TDRD10: variants seen among roughly 807,000 people sequenced by gnomAD.
TDRD10 encodes the protein tudor domain-containing protein 10.
TDRD10 carries 40 observed loss-of-function variants against 48.0 expected under a neutral mutation model. The ratio of observed to expected loss-of-function variants is 0.83; its 90% CI spans 0.65 to 1.09. The LOEUF (loss-of-function observed/expected upper bound fraction) is 1.09. Ranked by LOEUF, TDRD10 falls within the 50% of genes least tolerant of loss-of-function variation. TDRD10 has a pLI of 0.00. For missense variants in TDRD10, 378 were observed against 434.7 expected, an observed-to-expected ratio of 0.87 and a Z score of 1.16; for synonymous variants, 162 against 170.4, an observed-to-expected ratio of 0.95 and a Z score of 0.38.
chr1:154,520,164 T>G (rs575661963), intron 4 of TDRD10, 140 bp from the exon 5 acceptor site: 1 of 615,654 alleles, frequency 1.6e-6, no homozygotes, highest in South Asian at 2.1e-5. Context: ...CTACAAAACA[T>G]GGCACGTACA....
chr1:154,509,184 C>G (rs1693312801), intron 4 of TDRD10, among the ~76,000 whole-genome samples: 1 of 150,604 alleles, frequency 6.6e-6, no homozygotes, highest in Admixed American at 6.6e-5. Context: ...AGTCCTTGCC[C>G]TCAAGGAGCT....
intron 6 of TDRD10, among the ~76,000 whole-genome samples, chr1:154,527,543 A>G (rs900135447): frequency 6.6e-6 from 1 of 152,218 alleles, no homozygotes; most frequent in Non-Finnish European, 1.5e-5. Context: ...GAAGAAATGT[A>G]GCAGAATATC....
intron 4 of TDRD10, among the ~76,000 whole-genome samples, chr1:154,514,838 T>G (rs1353965949): frequency 7.2e-6 from 1 of 138,194 alleles, no homozygotes; most frequent in East Asian, 2.1e-4. Flanking sequence ...CAGGAACACA[T>G]CACCATACCC....
At chr1:154,521,250 T>G in intron 5 of TDRD10, 73 bp from the exon 6 acceptor site, 2 of 1,514,264 alleles carry the variant, frequency 1.3e-6, no homozygotes, top group South Asian at 2.4e-5. Context: ...CAGCTTGGGC[T>G]TGGTGCCTCC....
intron 4 of TDRD10, among the ~76,000 whole-genome samples, chr1:154,514,681 T>G (rs1327358038): frequency 6.6e-6 from 1 of 152,024 alleles, no homozygotes; most frequent in Non-Finnish European, 1.5e-5. Context: ...GTTCATTTGT[T>G]TTTTTGTTTG....
intron 6 of TDRD10, 159 bp from the exon 7 acceptor site, chr1:154,541,865 G>C: frequency 1.6e-6 from 1 of 633,148 alleles, no homozygotes; most frequent in Non-Finnish European, 2.7e-6. Context: ...CGTGAGGATG[G>C]AGAGAGTGGA....
intron 6 of TDRD10, among the ~76,000 whole-genome samples, chr1:154,539,738 C>T (rs1324648781): frequency 6.6e-6 from 1 of 152,250 alleles, no homozygotes; most frequent in Admixed American, 6.5e-5. Context: ...AGACACTTGT[C>T]ATTCTTGTTC....
In TDRD10 at chr1:154,542,064, C is replaced by T. The variant is rs765670460; in HGVS notation, c.410C>T (p.Ala137Val). The T allele has an allele frequency of 6.2e-7, 1 of 1,613,806 alleles. No homozygotes were observed. The highest frequency in any genetic ancestry group is 1.3e-5 in the African/African-American group (1 of 74,910). ...TCTGGTGAAGGATTTGGCAAAACCGCCGGTGAGATTCTGCGCTGCCATCCT... is the reference window on the plus strand; with the variant it reads ...TCTGGTGAAGGATTTGGCAAAACCGTCGGTGAGATTCTGCGCTGCCATCCT... The part of the protein sequence containing the change: ...KASGEGFGKT[A>V]AIIQLAPKAP... The change falls in exon 7 of 13, where the codon GCC (alanine) becomes GTC (valine). Residue 137 changes from alanine (A) to valine (V), a missense_variant and splice_region_variant. Ala to Val is a moderately conservative substitution (Grantham distance 64). Around this residue, in one of 2 missense-constraint regions of TDRD10, gnomAD observed 310 missense variants for 323.6 expected, o/e 0.96. Transcript: ENST00000368482.
chr1:154,511,415 C>G (rs1693467169), intron 4 of TDRD10, among the ~76,000 whole-genome samples: 1 of 151,638 alleles, frequency 6.6e-6, no homozygotes, highest in African/African-American at 2.4e-5. Flanking sequence ...GGCCGGATCA[C>G]TTGATGTCAG....
intron 1 of TDRD10, 40 bp from the exon 2 acceptor site, chr1:154,506,837 A>C (rs1693178597): frequency 1.1e-5 from 18 of 1,569,322 alleles, no homozygotes; most frequent in Non-Finnish European, 1.6e-5. Flanking sequence ...ATGGTGAACT[A>C]TCCTGGCATT....
chr1:154,521,877 G>A (rs1183542137), intron 6 of TDRD10, among the ~76,000 whole-genome samples: 3 of 152,212 alleles, frequency 2.0e-5, no homozygotes, highest in East Asian at 3.9e-4. Flanking sequence ...AGCTCTTCCT[G>A]GCAGGAAGAT....
At chr1:154,513,134 G>A (rs766684972) in intron 4 of TDRD10, among the ~76,000 whole-genome samples, 3 of 152,162 alleles carry the variant, frequency 2.0e-5, no homozygotes, top group Non-Finnish European at 4.4e-5. Context: ...AGCAAGCAAA[G>A]AGGGTGTCCC....
Position 154,544,014 on chromosome 1 carries a change from G to A in TDRD10, c.555G>A (p.Trp185Ter), listed in dbSNP as rs772400586. 2 of 1,614,114 alleles carry A rather than the reference G, an allele frequency of 1.2e-6. No homozygotes were observed. The highest frequency in any genetic ancestry group is 1.7e-6 in the Non-Finnish European group (2 of 1,180,050). Residue 185 changes from tryptophan (W) to a stop codon, truncating the protein, a stop_gained, in exon 9 of 13, where the codon TGG becomes TGA. Coordinates refer to ENST00000368482, the MANE Select transcript of TDRD10 (RefSeq NM_182499.4). LOFTEE classifies it high-confidence loss of function. ...GGGAATGCTTCCGAGACCTGAGCTG[G>A]CTGGCACTCATCCATAGCGTCCGTG... is the stretch of plus-strand genomic sequence containing the variant. ...LLRECFRDLS[W>*]LALIHSVRGE... is the part of the protein sequence containing the mutation.
At chr1:154,525,821 C>T (rs930775155) in intron 6 of TDRD10, among the ~76,000 whole-genome samples, 9 of 147,930 alleles carry the variant, frequency 6.1e-5, no homozygotes, top group Admixed American at 1.4e-4. Flanking sequence ...GCTTGAACCC[C>T]GGAGGCGGAG....
chr1:154,515,819 A>G (rs968149960), intron 4 of TDRD10, among the ~76,000 whole-genome samples: 5 of 152,056 alleles, frequency 3.3e-5, no homozygotes, highest in African/African-American at 1.2e-4. Context: ...GGTTCAAGCG[A>G]TTCTCCTGCC....
At chr1:154,538,325 G>A (rs1389418751) in intron 6 of TDRD10, among the ~76,000 whole-genome samples, 2 of 151,914 alleles carry the variant, frequency 1.3e-5, no homozygotes, top group African/African-American at 2.4e-5. Flanking sequence ...GAGGTGGGCG[G>A]ATCACCTGAG....
At chr1:154,535,602 C>G (rs1333505264) in intron 6 of TDRD10, among the ~76,000 whole-genome samples, 2 of 151,894 alleles carry the variant, frequency 1.3e-5, no homozygotes, top group Non-Finnish European at 2.9e-5. Context: ...ATCACTTGAC[C>G]TGAAGGAGTT....
intron 10 of TDRD10, 95 bp from the exon 11 acceptor site, chr1:154,544,700 T>C: frequency 1.3e-6 from 2 of 1,530,468 alleles, no homozygotes; most frequent in African/African-American, 2.7e-5. Context: ...TCTTCCTCCC[T>C]CCTACCTCCA....
In TDRD10 at chr1:154,504,047, G is replaced by A. The variant is rs147163528; in HGVS notation, c.-28+1018G>A. On this transcript the variant is annotated intron_variant, in intron 1 of 12. Coordinates refer to ENST00000368482, the MANE Select transcript of TDRD10 (RefSeq NM_182499.4). ...GCAGTCACTCCTCATTTCCCTCTCC[G>A]CCTTCCCAGTCCTAGACAGCCACTA... Among the ~76,000 whole-genome samples the A allele has an allele frequency of 2.4e-3, 364 of 152,148 alleles. 3 individuals carry two copies. The highest frequency in any genetic ancestry group is 8.3e-3 in the African/African-American group (345 of 41,504).
Sources: allele counts gnomAD v4.1 joint callset (sites outside exome capture counted in the v4.1 genomes callset), GRCh38; gene constraint gnomAD v4.1.1; regional missense constraint gnomAD v4.1.1; transcripts MANE v1.5; gene names NCBI Gene and HGNC (gene_info 2026-07-23, HGNC 2026-07-21).